The following WDR75 variants were observed in gnomAD, a reference collection of about 807,000 sequenced individuals.
WDR75 encodes the protein WD repeat-containing protein 75.
In WDR75, 52 loss-of-function variants were observed where a neutral mutation model predicts 106.1. That is an observed-to-expected ratio of 0.49 (90% CI 0.39 to 0.62). The LOEUF is 0.62. Ranked by LOEUF, WDR75 falls within the 20% of genes least tolerant of loss-of-function variation. The pLI, the probability that WDR75 is intolerant of heterozygous loss-of-function variation, is 0.00. For missense variants in WDR75, 905 were observed against 970.3 expected (o/e 0.93, Z 0.89); for synonymous variants, 333 against 335.5 (o/e 0.99, Z 0.08).
At chr2:189,454,032 T>G (rs1686682229) in intron 4 of WDR75, among the ~76,000 whole-genome samples, 1 of 152,318 alleles carries the variant, frequency 6.6e-6, no homozygotes, top group East Asian at 1.9e-4. Flanking sequence ...AACAAAACAC[T>G]TCTAAGTCCC....
chr2:189,457,619 T>C (rs927222508), intron 6 of WDR75, among the ~76,000 whole-genome samples: 25 of 152,208 alleles, frequency 1.6e-4, no homozygotes, highest in Non-Finnish European at 7.3e-5. Context: ...AATTCTAGTC[T>C]GCATTCTTGG....
chr2:189,462,951 T>C (rs1686928722), intron 9 of WDR75, among the ~76,000 whole-genome samples: 1 of 152,196 alleles, frequency 6.6e-6, no homozygotes, highest in Non-Finnish European at 1.5e-5. Flanking sequence ...GGTTTGGAAG[T>C]GGACATTGGT....
intron 2 of WDR75, chr2:189,449,573 T>G: frequency 9.5e-7 from 1 of 1,048,014 alleles, no homozygotes. Context: ...AAAGCTTTGT[T>G]TCGGATGACT....
intron 8 of WDR75, among the ~76,000 whole-genome samples, chr2:189,462,146 T>TA (rs1553486078): frequency 6.6e-6 from 1 of 151,714 alleles, no homozygotes; most frequent in Admixed American, 6.6e-5. Flanking sequence ...CGGCTTTTTT[T>TA]TATATATATA....
At chr2:189,467,398 T>C in intron 13 of WDR75, 70 bp from the exon 14 acceptor site, 1 of 1,464,710 alleles carries the variant, frequency 6.8e-7, no homozygotes, top group East Asian at 2.4e-5. Context: ...AATGGGAAAC[T>C]AGGGGGAACT....
intron 5 of WDR75, 77 bp from the exon 6 acceptor site, chr2:189,457,234 T>C: frequency 9.8e-7 from 1 of 1,019,208 alleles, no homozygotes; most frequent in Non-Finnish European, 1.5e-6. Context: ...AGAGCGAGAC[T>C]TTGTCTCAAA....
chr2:189,474,459 C>T (rs1687173173), intron 19 of WDR75, 127 bp downstream of exon 19: 2 of 1,148,272 alleles, frequency 1.7e-6, no homozygotes, highest in Non-Finnish European at 2.5e-6. Context: ...AAATAACTAA[C>T]AACAAACCGA....
chr2:189,464,070 ACTTG>A, intron 11 of WDR75, 109 bp downstream of exon 11: 9 of 881,374 alleles, frequency 1.0e-5, no homozygotes, highest in African/African-American at 1.7e-5. Flanking sequence ...GCATATGTTT[ACTTG>A]AACATAGTAT....
At chr2:189,465,392 A>C (rs1364306186) in intron 12 of WDR75, 138 bp downstream of exon 12, 1 of 897,486 alleles carries the variant, frequency 1.1e-6, no homozygotes, top group Non-Finnish European at 1.6e-6. Context: ...TATTCTAATA[A>C]AACCTTTAAG....
chr2:189,464,943 C>T, intron 11 of WDR75, 136 bp from the exon 12 acceptor site: 2 of 575,348 alleles, frequency 3.5e-6, no homozygotes, highest in Non-Finnish European at 5.5e-6. Flanking sequence ...TTCATTTTTG[C>T]CTTTATTTAA....
At chr2:189,466,963 G>A (rs939168817) in intron 13 of WDR75, among the ~76,000 whole-genome samples, 2 of 152,038 alleles carry the variant, frequency 1.3e-5, no homozygotes, top group African/African-American at 4.8e-5. Flanking sequence ...AGGTTTTCTT[G>A]TTTTGTGTCT....
chr2:189,450,987 A>G lies in WDR75; in HGVS notation c.282+19A>G, dbSNP rs1686609353. 1 of 1,586,148 alleles carries G rather than the reference A, an allele frequency of 6.3e-7. No individual in the cohort carries two copies. Among genetic ancestry groups the G allele is most frequent in the African/African-American group, 1.4e-5 (1 of 73,372 alleles). ...AATAAAGGTATGTGGATTGATCTTTACTTTTCGTTATGTGAATAAAAAAAG... is the reference window on the plus strand; with the variant it reads ...AATAAAGGTATGTGGATTGATCTTTGCTTTTCGTTATGTGAATAAAAAAAG... On this transcript the variant is annotated intron_variant, in intron 3 of 20. Transcript: ENST00000314761.
intron 9 of WDR75, 74 bp downstream of exon 9, chr2:189,462,716 A>G: frequency 7.1e-7 from 1 of 1,407,564 alleles, no homozygotes. Flanking sequence ...GGAACAGAGA[A>G]TAAAGAGACC....
intron 1 of WDR75, among the ~76,000 whole-genome samples, chr2:189,445,052 GT>G (rs1686466606): frequency 6.6e-6 from 1 of 152,160 alleles, no homozygotes; most frequent in African/African-American, 2.4e-5. Context: ...ACACCTTCCA[GT>G]CTACAAGGTT....
chr2:189,474,659 C>G (rs539641528), intron 19 of WDR75, 58 bp from the exon 20 acceptor site: 5 of 1,433,968 alleles, frequency 3.5e-6, no homozygotes, highest in Middle Eastern at 3.5e-4. Flanking sequence ...ACTGTAGGAA[C>G]AGACTGCGGT....
At position 189,467,568 on chromosome 2, in the gene WDR75, T is replaced by C; in HGVS notation, c.1548T>C (p.Ser516=). The C allele has an allele frequency of 6.2e-7, 1 of 1,611,542 alleles. No individual in the cohort carries two copies. Among genetic ancestry groups the C allele is most frequent in the Non-Finnish European group, 8.5e-7 (1 of 1,178,662 alleles). The change falls in exon 14 of 21, where the codon AGT becomes AGC. Residue 516 remains serine, a synonymous_variant. Coordinates refer to ENST00000314761, the MANE Select transcript of WDR75 (RefSeq NM_032168.3). ...FSEDGSLLAV[S]FEEIVTIWDS... ...AAGATGGTTCTTTACTAGCAGTTAG[T>C]TTTGAGGAAATAGTCACAATATGGG...
chr2:189,448,463 A>C lies in WDR75; in HGVS notation c.171A>C (p.Arg57Ser), dbSNP rs1481414447. The C allele has an allele frequency of 6.2e-7, 1 of 1,613,938 alleles. No homozygotes were observed. Among genetic ancestry groups the C allele is most frequent in the African/African-American group, 1.3e-5 (1 of 74,936 alleles). The stretch of plus-strand genomic sequence containing the variant: ...GTGTACACATACTGCATGGACACAG[A>C]AATCTGGTGACTGGAATCCAGCTTA... ...EECVHILHGH[R>S]NLVTGIQLNP... Residue 57 changes from arginine (R) to serine (S), a missense_variant, in exon 2 of 21, where the codon AGA (arginine) becomes AGC (serine). Transcript: ENST00000314761.
Position 189,474,347 on chromosome 2 carries a change from A to G in WDR75, c.2196+15A>G, listed in dbSNP as rs551896491. ...CAATTAGTGAGGTAAGTAATTATGA[A>G]AACCATGTGAAACAGATTAAATGCA... On this transcript the variant is annotated intron_variant, in intron 19 of 20. Transcript: ENST00000314761. 1 of 1,593,506 alleles carries G rather than the reference A, an allele frequency of 6.3e-7. No individual in the cohort carries two copies. Among genetic ancestry groups the G allele is most frequent in the South Asian group, 1.2e-5 (1 of 86,248 alleles).
Position 189,468,469 on chromosome 2 carries a change from A to G in WDR75, c.1629-6A>G. 1 of 1,613,086 alleles carries G rather than the reference A, an allele frequency of 6.2e-7. No individual in the cohort carries two copies. The highest frequency in any genetic ancestry group is 8.5e-7 in the Non-Finnish European group (1 of 1,179,254). On this transcript the variant is annotated splice_polypyrimidine_tract_variant and splice_region_variant and intron_variant, in intron 14 of 20. Coordinates refer to ENST00000314761, the MANE Select transcript of WDR75 (RefSeq NM_032168.3). ...TGTTGCTAACTTCCTTGTGGTTTTAATCTAGGCACCTTTGCTTTGGGAGAT... is the reference window on the plus strand; with the variant it reads ...TGTTGCTAACTTCCTTGTGGTTTTAGTCTAGGCACCTTTGCTTTGGGAGAT...
Sources: gnomAD v4.1 joint callset for allele counts (sites outside exome capture counted in the v4.1 genomes callset) on GRCh38, gnomAD v4.1.1 for gene constraint, MANE v1.5 for transcripts, NCBI Gene and HGNC (gene_info 2026-07-23, HGNC 2026-07-21) for gene names.